NAV2: variants seen among roughly 807,000 people sequenced by gnomAD.
The protein encoded by NAV2 is neuron navigator 2.
Under a neutral mutation model 223.2 loss-of-function variants are expected in NAV2, and 54 were observed. That is an observed-to-expected ratio of 0.24 (90% confidence interval 0.19 to 0.30). The LOEUF is 0.30. NAV2 is among the 10% of genes least tolerant of loss of function. The pLI is 1.00. For synonymous variants in NAV2, 1,279 were observed against 1,239.3 expected (o/e 1.03, Z -0.67); for missense variants, 2,806 against 3,147.5 (o/e 0.89, Z 2.60).
chr11:19,433,849 A>G (rs1486642931), intron 1 of NAV2, among the ~76,000 whole-genome samples: 3 of 152,280 alleles, frequency 2.0e-5, no homozygotes, highest in African/African-American at 7.2e-5. Flanking sequence ...ATGCACAAAT[A>G]AAATCTGTAT....
At chr11:19,543,208 C>A (rs961599413) in intron 1 of NAV2, among the ~76,000 whole-genome samples, 8 of 152,180 alleles carry the variant, frequency 5.3e-5, no homozygotes, top group African/African-American at 1.9e-4. Context: ...AATTGATTAA[C>A]CTCGTAGAAG....
intron 1 of NAV2, among the ~76,000 whole-genome samples, chr11:19,679,756 G>C (rs2048827109): frequency 6.6e-6 from 1 of 152,184 alleles, no homozygotes; most frequent in East Asian, 1.9e-4. Context: ...GTGTACTCCT[G>C]TACCTGGTAC....
intron 3 of NAV2, among the ~76,000 whole-genome samples, chr11:19,867,418 A>C (rs1006702464): frequency 6.6e-6 from 1 of 152,214 alleles, no homozygotes; most frequent in Non-Finnish European, 1.5e-5. Flanking sequence ...TCTCTATCAC[A>C]TAATATTTGC....
intron 1 of NAV2, among the ~76,000 whole-genome samples, chr11:19,510,644 C>T (rs1436036344): frequency 2.6e-5 from 4 of 152,212 alleles, no homozygotes; most frequent in East Asian, 1.9e-4. Context: ...TGCCCCAGCC[C>T]GAAGTCCGTT....
chr11:19,868,790 A>G (rs1208016309), intron 3 of NAV2, 135 bp from the exon 4 acceptor site: 3 of 751,268 alleles, frequency 4.0e-6, no homozygotes, highest in Non-Finnish European at 6.4e-6. Flanking sequence ...AGTACAGACA[A>G]AAGAGAGTGT....
chr11:19,451,486 C>G (rs966284050), intron 1 of NAV2, among the ~76,000 whole-genome samples: 1 of 152,192 alleles, frequency 6.6e-6, no homozygotes, highest in Non-Finnish European at 1.5e-5. Context: ...TGAGGACCTA[C>G]TATTATTCAG....
rs112430380 is a variant in NAV2, at chr11:19,742,321, A to G, written c.267+28359A>G. Among the ~76,000 whole-genome samples the G allele has an allele frequency of 3.1e-3, 468 of 152,358 alleles. 1 individual carries two copies. The highest frequency in any genetic ancestry group is 0.011 in the African/African-American group (455 of 41,578). ...TTTCCTCATCTGTAAAACAAGGGTG[A>G]TAAAAGTACTTGCCTCATACATTCT... On this transcript the variant is annotated intron_variant, in intron 1 of 37. Coordinates refer to ENST00000349880, the MANE Select transcript of NAV2 (RefSeq NM_145117.5).
At chr11:19,696,523 C>CA (rs1276126572) in intron 1 of NAV2, among the ~76,000 whole-genome samples, 2 of 152,330 alleles carry the variant, frequency 1.3e-5, no homozygotes, top group African/African-American at 4.8e-5. Context: ...TTTACTAAGG[C>CA]AGAGCTTAGT....
intron 1 of NAV2, among the ~76,000 whole-genome samples, chr11:19,635,637 C>T (rs2047475205): frequency 1.3e-5 from 2 of 152,176 alleles, no homozygotes. Flanking sequence ...AGGGAATAGA[C>T]AGTCTAGAAA....
intron 1 of NAV2, among the ~76,000 whole-genome samples, chr11:19,728,624 A>G (rs1200260244): frequency 6.6e-6 from 1 of 152,232 alleles, no homozygotes; most frequent in East Asian, 1.9e-4. Context: ...CACAGGCACC[A>G]TAGCAATGAC....
intron 1 of NAV2, among the ~76,000 whole-genome samples, chr11:19,374,979 C>T (rs1171726691): frequency 6.6e-6 from 1 of 152,162 alleles, no homozygotes; most frequent in African/African-American, 2.4e-5. Flanking sequence ...TCGGATACTG[C>T]CTCTGACAAC....
At chr11:19,900,367 C>T (rs988611400) in intron 6 of NAV2, among the ~76,000 whole-genome samples, 2 of 136,882 alleles carry the variant, frequency 1.5e-5, no homozygotes, top group African/African-American at 5.0e-5. Flanking sequence ...ATGCAAGTAC[C>T]GTGAAGGCAG....
At chr11:19,875,844 C>A (rs1054206959) in intron 4 of NAV2, among the ~76,000 whole-genome samples, 2 of 152,106 alleles carry the variant, frequency 1.3e-5, no homozygotes, top group African/African-American at 2.4e-5. Flanking sequence ...TGGACACCAG[C>A]GACTGTGGCA....
intron 1 of NAV2, among the ~76,000 whole-genome samples, chr11:19,440,737 C>T (rs903215410): frequency 1.3e-5 from 2 of 152,188 alleles, no homozygotes; most frequent in African/African-American, 4.8e-5. Context: ...CTCCTGGCAT[C>T]GACTAGGCAT....
intron 13 of NAV2, 88 bp downstream of exon 13, chr11:20,044,360 A>AT (rs1397007120): frequency 8.3e-7 from 1 of 1,205,082 alleles, no homozygotes; most frequent in Non-Finnish European, 1.1e-6. Context: ...GACATTATAT[A>AT]TTTTGTCTCA....
At chr11:20,056,980 A>G (rs934806359) in intron 19 of NAV2, among the ~76,000 whole-genome samples, 6 of 152,236 alleles carry the variant, frequency 3.9e-5, no homozygotes, top group African/African-American at 1.4e-4. Context: ...CTGTAAAAAC[A>G]CAGCTTCAGC....
intron 1 of NAV2, among the ~76,000 whole-genome samples, chr11:19,409,089 C>T (rs538565343): frequency 9.9e-5 from 15 of 152,264 alleles, no homozygotes; most frequent in African/African-American, 3.6e-4. Context: ...CCATGTAAAT[C>T]ACATGTCTTT....
chr11:20,028,886 G>A (rs2055388343), intron 11 of NAV2, among the ~76,000 whole-genome samples: 1 of 152,148 alleles, frequency 6.6e-6, no homozygotes, highest in South Asian at 2.1e-4. Context: ...CTCTATACCA[G>A]AGTTTGCAAA....
At chr11:20,066,142 A>G (rs1401869916) in intron 20 of NAV2, among the ~76,000 whole-genome samples, 1 of 152,254 alleles carries the variant, frequency 6.6e-6, no homozygotes, top group Non-Finnish European at 1.5e-5. Context: ...TCTCTGGCAC[A>G]TGGTAAGCAT....
Sources: gnomAD v4.1 joint callset for allele counts (sites outside exome capture counted in the v4.1 genomes callset) on GRCh38, gnomAD v4.1.1 for gene constraint, MANE v1.5 for transcripts, NCBI Gene and HGNC (gene_info 2026-07-23, HGNC 2026-07-21) for gene names.